The following IGSF10 variants were observed in gnomAD, a reference collection of about 807,000 sequenced individuals.
IGSF10 encodes the protein calvaria mechanical force protein 608.
IGSF10 carries 126 observed loss-of-function variants against 128.2 expected under a neutral mutation model. The ratio of observed to expected loss-of-function variants is 0.98; its 90% CI spans 0.85 to 1.14. The LOEUF is 1.14. IGSF10 is among the 50% of genes most tolerant of loss of function. The pLI is 0.00. For synonymous variants in IGSF10, 1,185 were observed against 1,146.2 expected (o/e 1.03, Z -0.68); for missense variants, 3,295 against 3,149.8 (o/e 1.05, Z -1.10).
In IGSF10 at chr3:151,437,173, T is replaced by C. The variant is rs368245510; in HGVS notation, c.7388A>G (p.Asn2463Ser). 2 of 1,614,086 alleles carry C rather than the reference T, an allele frequency of 1.2e-6. No individual in the cohort carries two copies. The highest frequency in any genetic ancestry group is 2.2e-5 in the East Asian group (1 of 44,902). ...ACCACTTGGCATAGTCCATTTGATA[T>C]TTGGCTTAGGGATTCCATCAGACAC... is the stretch of plus-strand genomic sequence containing the variant. ...HCVSDGIPKP[N>S]IKWTMPSGYV... Residue 2463 changes from asparagine to serine, a missense_variant, in exon 8 of 8, where the codon AAT becomes AGT. By Grantham distance (46) the Asn-to-Ser change is conservative. Coordinates refer to ENST00000282466, the MANE Select transcript of IGSF10 (RefSeq NM_178822.5).
the IGSF10 span, among the ~76,000 whole-genome samples, chr3:151,592,180 T>G: frequency 1.3e-5 from 2 of 151,654 alleles, no homozygotes; most frequent in Non-Finnish European, 2.9e-5. Context: ...TCCTTACCTA[T>G]TAAAAGGGGG....
the IGSF10 span, among the ~76,000 whole-genome samples, chr3:151,511,468 C>G: frequency 1.3e-5 from 2 of 152,172 alleles, no homozygotes; most frequent in African/African-American, 4.8e-5. Context: ...GAAGGAAGCA[C>G]TAAACATGGA....
At chr3:151,518,768 T>C in the IGSF10 span, among the ~76,000 whole-genome samples, 1 of 151,968 alleles carries the variant, frequency 6.6e-6, no homozygotes, top group Non-Finnish European at 1.5e-5. Context: ...GAGATCTGTA[T>C]GTTCTATGAA....
At chr3:151,574,569 A>G in the IGSF10 span, among the ~76,000 whole-genome samples, 1 of 152,302 alleles carries the variant, frequency 6.6e-6, no homozygotes, top group South Asian at 2.1e-4. Context: ...CAGCTCCATT[A>G]GGTCATTTAA....
chr3:151,528,580 C>T, the IGSF10 span, among the ~76,000 whole-genome samples: 69 of 152,148 alleles, frequency 4.5e-4, no homozygotes, highest in African/African-American at 1.5e-3. Context: ...GGGGTGTTAC[C>T]TCACCTGGAA....
At chr3:151,599,910 T>A in the IGSF10 span, among the ~76,000 whole-genome samples, 1 of 152,134 alleles carries the variant, frequency 6.6e-6, no homozygotes, top group East Asian at 1.9e-4. Flanking sequence ...TGGAAACAGA[T>A]CAAATAGAAC....
chr3:151,505,428 A>G, the IGSF10 span, among the ~76,000 whole-genome samples: 3 of 152,168 alleles, frequency 2.0e-5, no homozygotes, highest in Non-Finnish European at 4.4e-5. Flanking sequence ...ACAAGTGGGG[A>G]TTATGGGAAC....
chr3:151,481,359 C>T, the IGSF10 span, among the ~76,000 whole-genome samples: 6 of 152,198 alleles, frequency 3.9e-5, no homozygotes, highest in Non-Finnish European at 4.4e-5. Flanking sequence ...CAAGCAACTG[C>T]AGCATCTTTC....
chr3:151,510,996 C>T, the IGSF10 span, among the ~76,000 whole-genome samples: 1 of 152,154 alleles, frequency 6.6e-6, no homozygotes, highest in African/African-American at 2.4e-5. Flanking sequence ...AATTGGTGTA[C>T]CTGAAAGTGA....
Position 151,460,271 on chromosome 3 carries a change from C to G in IGSF10, c.-12G>C. The stretch of plus-strand genomic sequence containing the variant: ...AGGAATTGGCAATACCTGAGCTCTT[C>G]TTTCAGGTCCTGAGTCCTCTTGTGA... On this transcript the variant is annotated 5_prime_UTR_variant, in exon 2 of 8. Transcript: ENST00000282466. 1 of 966,380 alleles carries G rather than the reference C, an allele frequency of 1.0e-6. No individual in the cohort carries two copies. Among genetic ancestry groups the G allele is most frequent in the Non-Finnish European group, 1.2e-6 (1 of 812,486 alleles). 59.9% of individuals were successfully genotyped at this position (966,380 alleles called of 1,614,324 possible). A position where few individuals can be genotyped will look rare whatever the true frequency, so the allele number is the denominator to read the frequency against.
chr3:151,527,961 A>AC, the IGSF10 span, among the ~76,000 whole-genome samples: 1 of 151,546 alleles, frequency 6.6e-6, no homozygotes, highest in Admixed American at 6.6e-5. Flanking sequence ...TTGAAGAAAA[A>AC]AATTGAAACC....
chr3:151,498,738 C>T, the IGSF10 span, among the ~76,000 whole-genome samples: 1 of 152,122 alleles, frequency 6.6e-6, no homozygotes, highest in African/African-American at 2.4e-5. Flanking sequence ...ATTTCAGAAG[C>T]TGAATAAGGA....
the IGSF10 span, among the ~76,000 whole-genome samples, chr3:151,618,825 C>T: frequency 6.7e-6 from 1 of 149,948 alleles, no homozygotes; most frequent in African/African-American, 2.4e-5. Context: ...AATGTTTATA[C>T]TGTTTTACTA....
chr3:151,509,760 T>C, the IGSF10 span, among the ~76,000 whole-genome samples: 1 of 152,150 alleles, frequency 6.6e-6, no homozygotes, highest in East Asian at 1.9e-4. Flanking sequence ...ACCTGGAAAA[T>C]TGGGTCACTC....
the IGSF10 span, among the ~76,000 whole-genome samples, chr3:151,538,803 G>T: frequency 6.6e-6 from 1 of 152,164 alleles, no homozygotes; most frequent in Non-Finnish European, 1.5e-5. Flanking sequence ...CCCACATAAA[G>T]AATGTAAGTT....
chr3:151,522,054 G>A, the IGSF10 span, among the ~76,000 whole-genome samples: 702 of 152,110 alleles, frequency 4.6e-3, 3 homozygotes, highest in Non-Finnish European at 7.9e-3. Flanking sequence ...ATAAACATCA[G>A]AAACTTCTAT....
At position 151,437,580 on chromosome 3, in the gene IGSF10, C is replaced by T. The variant is rs141942195; in HGVS notation, c.6981G>A (p.Gln2327=). 13 of 1,614,040 alleles carry T rather than the reference C, an allele frequency of 8.1e-6. No homozygotes were observed. In the African/African-American group the frequency reaches 1.5e-4, roughly 18 times the overall value. The stretch of plus-strand genomic sequence containing the variant: ...TTCTCAGCATTTCCAGTACTTCTAA[C>T]TGTACTACCAACACGCTCTCTCCAC... ...NEGGESVLVV[Q]LEVLEMLRRP... The change falls in exon 8 of 8, where the codon CAG becomes CAA. Residue 2327 remains glutamine (Q), a synonymous_variant. Coordinates refer to ENST00000282466, the MANE Select transcript of IGSF10 (RefSeq NM_178822.5).
chr3:151,445,925 CTTT>C lies in IGSF10; in HGVS notation c.4053_4055del (p.Lys1353del). On this transcript the variant is annotated inframe_deletion, in exon 6 of 8. Coordinates refer to ENST00000282466, the MANE Select transcript of IGSF10 (RefSeq NM_178822.5). ...AGATGTTTGGGTCAGTCCTGTTCTT[CTTT>C]TGAGGCTCCTGTTCTCTTTGTATTG... is the stretch of plus-strand genomic sequence containing the variant. 6.2e-7 allele frequency: 1 copy of C among 1,614,138 alleles called. No individual in the cohort carries two copies. The highest frequency in any genetic ancestry group is 2.2e-5 in the East Asian group (1 of 44,874).
At chr3:151,550,469 C>G in the IGSF10 span, among the ~76,000 whole-genome samples, 29 of 152,246 alleles carry the variant, frequency 1.9e-4, no homozygotes, top group African/African-American at 6.7e-4. Flanking sequence ...GGTTTCTGCA[C>G]ATATCCTCTG....
Sources: allele counts gnomAD v4.1 joint callset (sites outside exome capture counted in the v4.1 genomes callset), GRCh38; gene constraint gnomAD v4.1.1; transcripts MANE v1.5; gene names NCBI Gene and HGNC (gene_info 2026-07-23, HGNC 2026-07-21).